Variants in TUSC3 observed in about 807,000 individuals in gnomAD.
TUSC3 encodes the protein dolichyl-diphosphooligosaccharide--protein glycosyltransferase subunit TUSC3.
In TUSC3, 45 loss-of-function variants were observed where a neutral mutation model predicts 44.8. That is an observed-to-expected ratio of 1.00 (90% CI 0.79 to 1.29). The LOEUF is 1.29. TUSC3 is among the 50% of genes most tolerant of loss of function. The probability of loss-of-function intolerance (pLI) is 0.00; values close to 1 mark genes in which losing one functional copy is unlikely to be tolerated. For missense variants in TUSC3, 519 were observed against 437.9 expected, an observed-to-expected ratio of 1.19 and a Z score of -1.65; for synonymous variants, 212 against 152.9, an observed-to-expected ratio of 1.39 and a Z score of -2.85.
intron 6 of TUSC3, among the ~76,000 whole-genome samples, chr8:15,683,937 G>A (rs1420521897): frequency 6.6e-6 from 1 of 152,110 alleles, no homozygotes; most frequent in Non-Finnish European, 1.5e-5. Context: ...ATAGGTTCCT[G>A]TGGTGGGTTT....
intron 1 of TUSC3, among the ~76,000 whole-genome samples, chr8:15,610,140 A>G (rs557097025): frequency 2.0e-5 from 3 of 152,242 alleles, no homozygotes; most frequent in Non-Finnish European, 2.9e-5. Flanking sequence ...AGTTTAATGT[A>G]TTTTGTATCG....
intron 6 of TUSC3, among the ~76,000 whole-genome samples, chr8:15,699,714 G>T (rs1402111684): frequency 6.6e-6 from 1 of 152,276 alleles, no homozygotes; most frequent in East Asian, 1.9e-4. Flanking sequence ...ATACTTTGTT[G>T]CTTGTTAGAT....
chr8:15,734,701 C>T (rs1484357226), intron 7 of TUSC3, among the ~76,000 whole-genome samples: 4 of 152,168 alleles, frequency 2.6e-5, no homozygotes, highest in Admixed American at 2.6e-4. Context: ...GAGGAACTAA[C>T]TCCCTGTCTA....
chr8:15,417,647 A>C (rs1799675681), intron 1 of TUSC3, among the ~76,000 whole-genome samples: 1 of 152,234 alleles, frequency 6.6e-6, no homozygotes, highest in Non-Finnish European at 1.5e-5. Flanking sequence ...ACTAGAGAGA[A>C]AATATTGCTG....
intron 1 of TUSC3, among the ~76,000 whole-genome samples, chr8:15,608,978 C>G (rs528480215): frequency 3.9e-5 from 6 of 152,260 alleles, no homozygotes; most frequent in East Asian, 3.9e-4. Context: ...GAATTAAACA[C>G]TGTTTAAGTT....
intron 5 of TUSC3, among the ~76,000 whole-genome samples, chr8:15,670,807 G>T (rs6530892): frequency 0.086 from 13,017 of 151,756 alleles, 1,814 homozygotes; most frequent in African/African-American, 0.29. Context: ...ACAAAGAACT[G>T]GTACCCAGAA....
chr8:15,707,050 C>T (rs1459514220), intron 6 of TUSC3, among the ~76,000 whole-genome samples: 1 of 151,816 alleles, frequency 6.6e-6, no homozygotes, highest in Non-Finnish European at 1.5e-5. Context: ...TACCTGACTG[C>T]TTTTTTTGAG....
At chr8:15,510,729 C>T (rs989353529) in intron 2 of TUSC3, among the ~76,000 whole-genome samples, 2 of 151,842 alleles carry the variant, frequency 1.3e-5, no homozygotes, top group African/African-American at 4.8e-5. Flanking sequence ...CTTTCTTATT[C>T]CATGAAGTCA....
rs556686330 is a variant in TUSC3 at position 15,736,762 on chromosome 8, C to CTA, written c.862+6035_862+6036dup. On this transcript the variant is annotated intron_variant, in intron 7 of 10. Coordinates refer to ENST00000503731, the MANE Select transcript of TUSC3 (RefSeq NM_006765.4). ...AGTAGTCAGTCCAGGAGGGGCAGAA[C>CTA]TATGTCATTTAAAATTTTATTTAAA... 3.9e-5 allele frequency among the ~76,000 whole-genome samples: 6 copies of CTA among 152,062 alleles called. No homozygotes were observed. The South Asian group carries it at 1.2e-3, about 32-fold the overall frequency.
chr8:15,700,867 T>TTTTTTTTTTG (rs1809369912), intron 6 of TUSC3, among the ~76,000 whole-genome samples: 4 of 119,636 alleles, frequency 3.3e-5, no homozygotes, highest in Non-Finnish European at 5.8e-5. Context: ...TTTTTTTTTT[T>TTTTTTTTTTG]GCTTTGCCTG....
At chr8:15,762,879 G>T (rs1340851243) in intron 10 of TUSC3, among the ~76,000 whole-genome samples, 1 of 132,850 alleles carries the variant, frequency 7.5e-6, no homozygotes, top group Non-Finnish European at 1.6e-5. Flanking sequence ...ACAGCTTAAG[G>T]CCCTGACAAG....
the TUSC3 span, among the ~76,000 whole-genome samples, chr8:15,794,863 T>C: frequency 0.028 from 4,305 of 152,252 alleles, 108 homozygotes; most frequent in South Asian, 0.11. Flanking sequence ...CATGGCTATT[T>C]TCTGGACAAA....
intron 2 of TUSC3, among the ~76,000 whole-genome samples, chr8:15,630,359 A>G (rs1407890865): frequency 6.6e-6 from 1 of 152,184 alleles, no homozygotes; most frequent in African/African-American, 2.4e-5. Flanking sequence ...TACATTACAT[A>G]TTAACTAACA....
chr8:15,668,910 C>T (rs894517199), intron 5 of TUSC3, among the ~76,000 whole-genome samples: 2 of 151,600 alleles, frequency 1.3e-5, no homozygotes, highest in African/African-American at 2.4e-5. Context: ...TCACAAGTCT[C>T]GAGTCTCGGG....
upstream of TUSC3, among the ~76,000 whole-genome samples, chr8:15,539,605 GC>G (rs965904828): frequency 2.6e-5 from 4 of 152,052 alleles, no homozygotes; most frequent in African/African-American, 9.7e-5. Context: ...ACCTGCCTCA[GC>G]CTCCCAAAGT....
the TUSC3 span, among the ~76,000 whole-genome samples, chr8:15,843,621 T>TATACACAC: frequency 3.0e-4 from 44 of 146,764 alleles, no homozygotes; most frequent in African/African-American, 1.1e-3. Flanking sequence ...TATATATATA[T>TATACACAC]ACACGCACAT....
At chr8:15,688,656 A>C (rs1469619850) in intron 6 of TUSC3, among the ~76,000 whole-genome samples, 2 of 152,110 alleles carry the variant, frequency 1.3e-5, no homozygotes, top group Non-Finnish European at 2.9e-5. Context: ...ATTTATTCTC[A>C]GAATAACGCA....
At chr8:15,510,964 AG>A (rs1192844471) in intron 2 of TUSC3, among the ~76,000 whole-genome samples, 1 of 152,344 alleles carries the variant, frequency 6.6e-6, no homozygotes, top group East Asian at 1.9e-4. Context: ...CAAACTAAAA[AG>A]GAAAACCATT....
chr8:15,435,071 A>T (rs1799928659), intron 1 of TUSC3, among the ~76,000 whole-genome samples: 1 of 148,756 alleles, frequency 6.7e-6, no homozygotes. Context: ...TGGCTGGGTC[A>T]AATGGTATTT....
Sources: gnomAD v4.1 joint callset for allele counts (sites outside exome capture counted in the v4.1 genomes callset) on GRCh38, gnomAD v4.1.1 for gene constraint, MANE v1.5 for transcripts, NCBI Gene and HGNC (gene_info 2026-07-23, HGNC 2026-07-21) for gene names.